AKAP7: variants seen among roughly 807,000 people sequenced by gnomAD.
AKAP7 encodes A kinase (PRKA) anchor protein 7.
A neutral mutation model predicts 39.5 loss-of-function variants in AKAP7; 39 were observed. That is an observed-to-expected ratio of 0.99 (90% CI 0.76 to 1.29). The LOEUF is 1.29. AKAP7 is among the 50% of genes most tolerant of loss of function. The pLI, the probability that AKAP7 is intolerant of heterozygous loss-of-function variation, is 0.00. For missense variants in AKAP7, 414 were observed against 407.7 expected (o/e 1.02, Z -0.13); for synonymous variants, 140 against 139.1 (o/e 1.01, Z -0.05).
chr6:131,141,470 C>T (rs1158144079), intron 1 of AKAP7, among the ~76,000 whole-genome samples: 1 of 152,108 alleles, frequency 6.6e-6, no homozygotes, highest in Non-Finnish European at 1.5e-5. Context: ...TTAGTAATTA[C>T]CCAGCCTCAG....
intron 1 of AKAP7, among the ~76,000 whole-genome samples, chr6:131,142,711 G>T (rs942148791): frequency 6.6e-6 from 1 of 152,246 alleles, no homozygotes; most frequent in Non-Finnish European, 1.5e-5. Flanking sequence ...GAAGGGGGCT[G>T]CCACCTTCCA....
chr6:131,204,889 A>G (rs548833192), intron 6 of AKAP7, among the ~76,000 whole-genome samples: 11 of 152,322 alleles, frequency 7.2e-5, no homozygotes, highest in Non-Finnish European at 1.3e-4. Context: ...TAAAGACTGA[A>G]GCCAGATGGT....
chr6:131,164,478 A>G, intron 3 of AKAP7: 1 of 455,336 alleles, frequency 2.2e-6, no homozygotes. Flanking sequence ...CTGTTTTTCT[A>G]ATGTGTGCAT....
chr6:131,156,875 C>T (rs531167111), intron 2 of AKAP7, among the ~76,000 whole-genome samples: 3 of 151,888 alleles, frequency 2.0e-5, no homozygotes, highest in Middle Eastern at 3.4e-3. Flanking sequence ...CCCGGGTTCA[C>T]GCCATTCTCC....
At chr6:131,178,309 G>A (rs1450503940) in intron 5 of AKAP7, among the ~76,000 whole-genome samples, 1 of 152,120 alleles carries the variant, frequency 6.6e-6, no homozygotes, top group East Asian at 1.9e-4. Context: ...TGTGCAATGG[G>A]CATAATAGTA....
chr6:131,148,634 A>T (rs1395805677), intron 2 of AKAP7, among the ~76,000 whole-genome samples: 2 of 152,234 alleles, frequency 1.3e-5, no homozygotes, highest in Non-Finnish European at 2.9e-5. Context: ...GTTTTATAAT[A>T]GCATTTACTA....
chr6:131,264,094 T>C (rs773825663), intron 7 of AKAP7, among the ~76,000 whole-genome samples: 1 of 152,200 alleles, frequency 6.6e-6, no homozygotes. Context: ...TTATATCCAG[T>C]CTTTTGGGGA....
At chr6:131,180,532 C>T (rs968933122) in intron 5 of AKAP7, among the ~76,000 whole-genome samples, 1 of 152,196 alleles carries the variant, frequency 6.6e-6, no homozygotes, top group Non-Finnish European at 1.5e-5. Context: ...TGCCTGTATT[C>T]TCTGTACCTT....
intron 2 of AKAP7, among the ~76,000 whole-genome samples, chr6:131,151,667 A>AG (rs1379624116): frequency 6.6e-6 from 1 of 152,072 alleles, no homozygotes; most frequent in African/African-American, 2.4e-5. Context: ...AATCGCTTGA[A>AG]CCTAGGTAAT....
chr6:131,143,309 T>G (rs1801199669), intron 1 of AKAP7, among the ~76,000 whole-genome samples: 1 of 152,136 alleles, frequency 6.6e-6, no homozygotes, highest in South Asian at 2.1e-4. Context: ...GGGAGGTGTT[T>G]GGGTCATGGG....
At chr6:131,206,775 G>GTCTA (rs1554211721) in intron 6 of AKAP7, among the ~76,000 whole-genome samples, 1 of 151,640 alleles carries the variant, frequency 6.6e-6, no homozygotes. Flanking sequence ...CTGTCTGTCT[G>GTCTA]TCCATCCATC....
intron 5 of AKAP7, among the ~76,000 whole-genome samples, chr6:131,191,423 C>G (rs781389283): frequency 5.8e-4 from 89 of 152,144 alleles, no homozygotes; most frequent in African/African-American, 2.0e-3. Flanking sequence ...GTTAGGAATA[C>G]ACTCTCACTG....
At chr6:131,212,319 G>A (rs1428334696) in intron 6 of AKAP7, among the ~76,000 whole-genome samples, 1 of 152,136 alleles carries the variant, frequency 6.6e-6, no homozygotes, top group Non-Finnish European at 1.5e-5. Flanking sequence ...GAAAGTCTTT[G>A]TTTACATTTC....
At chr6:131,137,414 G>C (rs547397540) in intron 1 of AKAP7, 1 of 148,310 alleles carries the variant, frequency 6.7e-6, no homozygotes, top group Non-Finnish European at 1.5e-5. Flanking sequence ...CAAGAGTCTC[G>C]CTCTGTCGCC....
chr6:131,239,824 GTT>G (rs1278388784), intron 7 of AKAP7, among the ~76,000 whole-genome samples: 1 of 152,092 alleles, frequency 6.6e-6, no homozygotes, highest in Non-Finnish European at 1.5e-5. Context: ...TTTTTTCAAG[GTT>G]TTTTACTTCT....
At chr6:131,181,026 C>A (rs758831263) in intron 5 of AKAP7, among the ~76,000 whole-genome samples, 73 of 137,362 alleles carry the variant, frequency 5.3e-4, no homozygotes, top group African/African-American at 1.7e-3. Flanking sequence ...GTCTCAGCCT[C>A]CTGGGTTCAA....
intron 7 of AKAP7, among the ~76,000 whole-genome samples, chr6:131,265,579 A>G (rs1813718444): frequency 6.6e-6 from 1 of 152,192 alleles, no homozygotes; most frequent in Non-Finnish European, 1.5e-5. Context: ...GGTAATCCTG[A>G]CCCTGTAACT....
At chr6:131,159,589 A>G (rs1802754444) in intron 2 of AKAP7, among the ~76,000 whole-genome samples, 1 of 152,244 alleles carries the variant, frequency 6.6e-6, no homozygotes, top group Non-Finnish European at 1.5e-5. Flanking sequence ...TGCAACAAAT[A>G]GTTTATAGTG....
At chr6:131,248,443 G>A (rs1013632259) in intron 7 of AKAP7, among the ~76,000 whole-genome samples, 2 of 152,136 alleles carry the variant, frequency 1.3e-5, no homozygotes, top group African/African-American at 2.4e-5. Flanking sequence ...AACGTTCCCT[G>A]CAAATACATC....
Sources: gnomAD v4.1 joint callset for allele counts (sites outside exome capture counted in the v4.1 genomes callset) on GRCh38, gnomAD v4.1.1 for gene constraint, MANE v1.5 for transcripts, NCBI Gene and HGNC (gene_info 2026-07-23, HGNC 2026-07-21) for gene names.